Variants in INKA1 observed in about 807,000 individuals in gnomAD.
INKA1 encodes the protein inka box actin regulator 1, also known as PAK4-inhibitor INKA1.
A neutral mutation model predicts 21.3 loss-of-function variants in INKA1; 14 were observed. The observed-to-expected ratio is 0.66, with a 90% CI of 0.43 to 1.03. The LOEUF is 1.03. Among genes scored for constraint, INKA1 ranks in the 50% least tolerant of loss-of-function variants. INKA1 has a pLI of 0.00. For missense variants in INKA1, 353 were observed against 379.0 expected, an observed-to-expected ratio of 0.93 and a Z score of 0.57; for synonymous variants, 133 against 143.3, an observed-to-expected ratio of 0.93 and a Z score of 0.51.
rs761995957 is a variant in INKA1 at position 49,804,597 on chromosome 3, C to T, written c.468C>T (p.Asp156=). ...ATCCACGGCCCAAGTCCACCCCAGACGCCTGCCTGGAGCACTGGCAGGGAC... is the reference window on the plus strand; with the variant it reads ...ATCCACGGCCCAAGTCCACCCCAGATGCCTGCCTGGAGCACTGGCAGGGAC... ...VHHPRPKSTP[D]ACLEHWQGLE... is the part of the protein sequence containing the mutation. The change falls in exon 2 of 2, where the codon GAC becomes GAT. Residue 156 remains aspartate, a synonymous_variant. Transcript: ENST00000333323. The surrounding 1 kb of genome is among the most constrained non-coding windows in gnomAD (Gnocchi z 6.7). 2.5e-5 allele frequency: 40 copies of T among 1,613,280 alleles called. No homozygotes were observed. Among genetic ancestry groups the T allele is most frequent in the Admixed American group, 2.3e-4 (14 of 60,008 alleles).
Position 49,804,550 on chromosome 3 carries a change from G to A in INKA1, c.421G>A (p.Ala141Thr). The A allele has an allele frequency of 6.2e-7, 1 of 1,613,454 alleles. No individual in the cohort carries two copies. Among genetic ancestry groups the A allele is most frequent in the Non-Finnish European group, 8.5e-7 (1 of 1,180,036 alleles). The change falls in exon 2 of 2, where the codon GCC (alanine) becomes ACC (threonine). Residue 141 changes from alanine to threonine, a missense_variant. Transcript: ENST00000333323. This position sits in a 1 kb window ranked among gnomAD's most constrained non-coding sequence, Gnocchi z 6.7. ...GLPMPSRAPV[A>T]SVPPVHHPRP... ...CCCCATGCCCAGCAGGGCCCCTGTA[G>A]CCAGTGTACCACCTGTCCACCATCC...
At position 49,803,539 on chromosome 3, in the gene INKA1, C is replaced by T. The variant is rs1196353751; in HGVS notation, c.51+96C>T. 20 of 1,284,834 alleles carry T rather than the reference C, an allele frequency of 1.6e-5. No homozygotes were observed. Among genetic ancestry groups the T allele is most frequent in the Non-Finnish European group, 1.9e-5 (18 of 935,074 alleles). The allele number at this position is 1,284,834 out of a possible 1,614,324, so 79.6% of individuals were successfully genotyped here. A position where few individuals can be genotyped will look rare whatever the true frequency, so the allele number is the denominator to read the frequency against. ...ACAGACGGGTGCGGGGTGGCTCCAG[C>T]GTGCCGGTCCGAGGCGGGGTGGGGG... On this transcript the variant is annotated intron_variant, in intron 1 of 1. Transcript: ENST00000333323. The surrounding 1 kb of genome is among the most constrained non-coding windows in gnomAD (Gnocchi z 4.8).
At position 49,803,439 on chromosome 3, in the gene INKA1, A is replaced by G; in HGVS notation, c.47A>G (p.Glu16Gly). ...AGCTTCCTTAGCCAGCTCCGCTGGG[A>G]ACTGGTGAGGCTCGGGAGCGGGTGT... ...LDSFLSQLRW[E>G]LLCGRDTGSP... The change falls in exon 1 of 2, where the codon GAA (glutamate) becomes GGA (glycine). Residue 16 changes from glutamate to glycine, a missense_variant. Physicochemically the swap from Glu to Gly is moderately conservative, Grantham distance 98. Coordinates refer to ENST00000333323, the MANE Select transcript of INKA1 (RefSeq NM_203370.2). The surrounding 1 kb of genome is among the most constrained non-coding windows in gnomAD (Gnocchi z 4.8). The G allele has an allele frequency of 6.4e-7, 1 of 1,559,022 alleles. No individual in the cohort carries two copies. The highest frequency in any genetic ancestry group is 1.2e-5 in the South Asian group (1 of 83,956).
At position 49,804,906 on chromosome 3, in the gene INKA1, T is replaced by C; in HGVS notation, c.777T>C (p.Pro259=). The change falls in exon 2 of 2, where the codon CCT becomes CCC. Residue 259 remains proline, a synonymous_variant. Coordinates refer to ENST00000333323, the MANE Select transcript of INKA1 (RefSeq NM_203370.2). The surrounding 1 kb of genome is among the most constrained non-coding windows in gnomAD (Gnocchi z 6.7). ...CACCTCGCCCAGAACCTGAACTGCCTGCGGATGTCTCACGCTTTGCAGCTC... is the reference window on the plus strand; with the variant it reads ...CACCTCGCCCAGAACCTGAACTGCCCGCGGATGTCTCACGCTTTGCAGCTC... ...SCPPRPEPEL[P]ADVSRFAALM... The C allele has an allele frequency of 6.2e-7, 1 of 1,612,992 alleles. No homozygotes were observed. Among genetic ancestry groups the C allele is most frequent in the Non-Finnish European group, 8.5e-7 (1 of 1,180,000 alleles).
In INKA1 at chr3:49,804,516, C is replaced by T. The variant is rs749165145; in HGVS notation, c.387C>T (p.Val129=). ...CCCTTCGTAGGCAGTGCCTCTCAGT[C>T]AGTGGCCTCCCCATGCCCAGCAGGG... is the stretch of plus-strand genomic sequence containing the variant. ...AQPLRRQCLS[V]SGLPMPSRAP... is the part of the protein sequence containing the mutation. Residue 129 remains valine, a synonymous_variant, in exon 2 of 2, where the codon GTC becomes GTT. Transcript: ENST00000333323. This position sits in a 1 kb window ranked among gnomAD's most constrained non-coding sequence, Gnocchi z 6.7. The T allele has an allele frequency of 6.2e-7, 1 of 1,613,394 alleles. No individual in the cohort carries two copies. The highest frequency in any genetic ancestry group is 1.3e-5 in the African/African-American group (1 of 74,934).
At position 49,803,339 on chromosome 3, in the gene INKA1, T is replaced by A. The variant is rs2081394778; in HGVS notation, c.-54T>A. On this transcript the variant is annotated 5_prime_UTR_variant, in exon 1 of 2. Transcript: ENST00000333323. This position sits in a 1 kb window ranked among gnomAD's most constrained non-coding sequence, Gnocchi z 4.8. ...GCCCTCCCAGCCCTCTCCGCGCGGC[T>A]CCGCCGGGGTTCCAAGAGGAGCTAG... 1.4e-6 allele frequency: 2 copies of A among 1,468,268 alleles called. No individual in the cohort carries two copies. The allele number at this position is 1,468,268 out of a possible 1,614,324, so 91.0% of individuals were successfully genotyped here. A position where few individuals can be genotyped will look rare whatever the true frequency, so the allele number is the denominator to read the frequency against.
Position 49,804,191 on chromosome 3 carries a change from G to A in INKA1, c.62G>A (p.Arg21Gln), listed in dbSNP as rs755837284. 7 of 1,577,134 alleles carry A rather than the reference G, an allele frequency of 4.4e-6. No individual in the cohort carries two copies. Among genetic ancestry groups the A allele is most frequent in the African/African-American group, 1.3e-5 (1 of 74,108 alleles). ...CTCTCTTCCCCTCAGTTGTGTGGTC[G>A]GGACACAGGCTCACCCTCAATGCCT... ...SQLRWELLCG[R>Q]DTGSPSMPGP... Residue 21 changes from arginine to glutamine, a missense_variant, in exon 2 of 2, where the codon CGG (arginine) becomes CAG (glutamine). Coordinates refer to ENST00000333323, the MANE Select transcript of INKA1 (RefSeq NM_203370.2). This position sits in a 1 kb window ranked among gnomAD's most constrained non-coding sequence, Gnocchi z 6.7.
Position 49,804,089 on chromosome 3 carries a change from C to G in INKA1, c.52-92C>G. On this transcript the variant is annotated intron_variant, in intron 1 of 1. Transcript: ENST00000333323. The surrounding 1 kb of genome is among the most constrained non-coding windows in gnomAD (Gnocchi z 6.7). Reference sequence around the variant, plus strand: ...ACTAACACCCTGCTGCCCAGGCCAGCAGGCCTATCTAACCTTCCTGGACCC... The same window carrying G: ...ACTAACACCCTGCTGCCCAGGCCAGGAGGCCTATCTAACCTTCCTGGACCC... 9.1e-7 allele frequency: 1 copy of G among 1,100,046 alleles called. No homozygotes were observed. The allele number at this position is 1,100,046 out of a possible 1,614,324, so 68.1% of individuals were successfully genotyped here.
At position 49,804,343 on chromosome 3, in the gene INKA1, G is replaced by A. The variant is rs771447701; in HGVS notation, c.214G>A (p.Ala72Thr). 7 of 1,613,562 alleles carry A rather than the reference G, an allele frequency of 4.3e-6. No individual in the cohort carries two copies. The highest frequency in any genetic ancestry group is 5.9e-6 in the Non-Finnish European group (7 of 1,179,972). ...VEEEEEEEEE[A>T]VVTEDRDAAL... is the part of the protein sequence containing the mutation. ...GGAGGAGGAAGAGGAGGAGGAGGAA[G>A]CAGTGGTGACAGAAGACAGGGATGC... Residue 72 changes from alanine (A) to threonine (T), a missense_variant, in exon 2 of 2, where the codon GCA becomes ACA. Transcript: ENST00000333323. The surrounding 1 kb of genome is among the most constrained non-coding windows in gnomAD (Gnocchi z 6.7).
rs758683189 is a variant in INKA1, at chr3:49,804,156, G to A, written c.52-25G>A. 3.9e-6 allele frequency: 6 copies of A among 1,543,974 alleles called. No individual in the cohort carries two copies. In the African/African-American group the frequency reaches 4.1e-5, roughly 11 times the overall value. ...GCCTGGTGACAAGTGATACCTCTCCGACTTCTGCCCTCTCTTCCCCTCAGT... is the reference window on the plus strand; with the variant it reads ...GCCTGGTGACAAGTGATACCTCTCCAACTTCTGCCCTCTCTTCCCCTCAGT... On this transcript the variant is annotated intron_variant, in intron 1 of 1. Transcript: ENST00000333323. The surrounding 1 kb of genome is among the most constrained non-coding windows in gnomAD (Gnocchi z 6.7).
At position 49,803,568 on chromosome 3, in the gene INKA1, C is replaced by T. The variant is rs2081398969; in HGVS notation, c.51+125C>T. On this transcript the variant is annotated intron_variant, in intron 1 of 1. Coordinates refer to ENST00000333323, the MANE Select transcript of INKA1 (RefSeq NM_203370.2). This position sits in a 1 kb window ranked among gnomAD's most constrained non-coding sequence, Gnocchi z 4.8. ...CCGGTCCGAGGCGGGGTGGGGGCGGCGTGGCGCATATGGCTCAGATGGCCC... is the reference window on the plus strand; with the variant it reads ...CCGGTCCGAGGCGGGGTGGGGGCGGTGTGGCGCATATGGCTCAGATGGCCC... 2 of 966,526 alleles carry T rather than the reference C, an allele frequency of 2.1e-6. No homozygotes were observed. Among genetic ancestry groups the T allele is most frequent in the Middle Eastern group, 2.3e-4 (1 of 4,332 alleles). 59.9% of individuals were successfully genotyped at this position (966,526 alleles called of 1,614,324 possible). A position where few individuals can be genotyped will look rare whatever the true frequency, so the allele number is the denominator to read the frequency against.
rs766261212 is a variant in INKA1 at position 49,804,940 on chromosome 3, TGTC to T, written c.814_816del (p.Arg272del). The T allele has an allele frequency of 6.2e-6, 10 of 1,612,190 alleles. No homozygotes were observed. Among genetic ancestry groups the T allele is most frequent in the Non-Finnish European group, 8.5e-6 (10 of 1,179,482 alleles). ...CTCACGCTTTGCAGCTCTCATGAGC[TGTC>T]GTAGCCGCCAGCCCATCATCTGCAA... On this transcript the variant is annotated inframe_deletion, in exon 2 of 2. Coordinates refer to ENST00000333323, the MANE Select transcript of INKA1 (RefSeq NM_203370.2). The surrounding 1 kb of genome is among the most constrained non-coding windows in gnomAD (Gnocchi z 6.7).
Position 49,803,476 on chromosome 3 carries a change from A to G in INKA1, c.51+33A>G, listed in dbSNP as rs2081397351. 1.9e-6 allele frequency: 3 copies of G among 1,539,982 alleles called. No homozygotes were observed. Among genetic ancestry groups the G allele is most frequent in the Non-Finnish European group, 1.7e-6 (2 of 1,143,106 alleles). On this transcript the variant is annotated intron_variant, in intron 1 of 1. Coordinates refer to ENST00000333323, the MANE Select transcript of INKA1 (RefSeq NM_203370.2). The surrounding 1 kb of genome is among the most constrained non-coding windows in gnomAD (Gnocchi z 4.8). ...TCGGGAGCGGGTGTGGTTAGTGAGG[A>G]CGCGTGCGGGATGCCAGGCTGCCGC...
Position 49,804,809 on chromosome 3 carries a change from T to C in INKA1, c.680T>C (p.Leu227Pro), listed in dbSNP as rs1378813764. The change falls in exon 2 of 2, where the codon CTC becomes CCC. Residue 227 changes from leucine (L) to proline (P), a missense_variant. By Grantham distance (98) the Leu-to-Pro change is moderately conservative. Transcript: ENST00000333323. The surrounding 1 kb of genome is among the most constrained non-coding windows in gnomAD (Gnocchi z 6.7). ...CGGCCCCCTCAGTTCCTGCTTGGCC[T>C]CTCTGAGCAGCTTCGGCGCCGGCTG... ...RARPPQFLLG[L>P]SEQLRRRLAR... is the part of the protein sequence containing the mutation. The C allele has an allele frequency of 1.2e-6, 2 of 1,613,284 alleles. No homozygotes were observed. Among genetic ancestry groups the C allele is most frequent in the South Asian group, 1.1e-5 (1 of 91,088 alleles).
In INKA1 at chr3:49,803,317, C is replaced by T. The variant is rs2081394343; in HGVS notation, c.-76C>T. ...AGGCTGAGGGCGCCGCTGGCCGGCC[C>T]TCCCAGCCCTCTCCGCGCGGCTCCG... On this transcript the variant is annotated 5_prime_UTR_variant, in exon 1 of 2. Coordinates refer to ENST00000333323, the MANE Select transcript of INKA1 (RefSeq NM_203370.2). This position sits in a 1 kb window ranked among gnomAD's most constrained non-coding sequence, Gnocchi z 4.8. 8 of 1,396,888 alleles carry T rather than the reference C, an allele frequency of 5.7e-6. No individual in the cohort carries two copies. The highest frequency in any genetic ancestry group is 1.5e-5 in the South Asian group (1 of 65,852). The allele number at this position is 1,396,888 out of a possible 1,614,324, so 86.5% of individuals were successfully genotyped here. A position where few individuals can be genotyped will look rare whatever the true frequency, so the allele number is the denominator to read the frequency against.
Position 49,803,831 on chromosome 3 carries a change from G to A in INKA1, c.52-350G>A, listed in dbSNP as rs1159044205. On this transcript the variant is annotated intron_variant, in intron 1 of 1. Transcript: ENST00000333323. The surrounding 1 kb of genome is among the most constrained non-coding windows in gnomAD (Gnocchi z 4.8). ...AGCAAGCGCTCTTTCTGTGAAAGACGCTTTGGGCTTTGGGAGCTGAATCCC... is the reference window on the plus strand; with the variant it reads ...AGCAAGCGCTCTTTCTGTGAAAGACACTTTGGGCTTTGGGAGCTGAATCCC... Among the ~76,000 whole-genome samples the A allele has an allele frequency of 1.3e-5, 2 of 152,134 alleles. No individual in the cohort carries two copies. Among genetic ancestry groups the A allele is most frequent in the Admixed American group, 1.3e-4 (2 of 15,282 alleles).
chr3:49,804,735 T>A lies in INKA1; in HGVS notation c.606T>A (p.Pro202=), dbSNP rs768939893. The A allele has an allele frequency of 6.2e-7, 1 of 1,613,282 alleles. No individual in the cohort carries two copies. The highest frequency in any genetic ancestry group is 2.2e-5 in the East Asian group (1 of 44,886). ...TGGTGCACAACTGGATGGAGCTGCC[T>A]GAGACAGGGAGTGAAGGGGGTGACG... ...ADLVHNWMEL[P]ETGSEGGDGG... is the part of the protein sequence containing the mutation. Residue 202 remains proline (P), a synonymous_variant, in exon 2 of 2, where the codon CCT becomes CCA. Transcript: ENST00000333323. This position sits in a 1 kb window ranked among gnomAD's most constrained non-coding sequence, Gnocchi z 6.7.
rs774567373 is a variant in INKA1, at chr3:49,804,327, AGAG to A, written c.210_212del (p.Glu71del). On this transcript the variant is annotated inframe_deletion, in exon 2 of 2. Coordinates refer to ENST00000333323, the MANE Select transcript of INKA1 (RefSeq NM_203370.2). The surrounding 1 kb of genome is among the most constrained non-coding windows in gnomAD (Gnocchi z 6.7). The stretch of plus-strand genomic sequence containing the variant: ...CAGTCTGCTGTGTGGAGGAGGAGGA[AGAG>A]GAGGAGGAGGAAGCAGTGGTGACAG... 6.2e-6 allele frequency: 10 copies of A among 1,613,100 alleles called. No homozygotes were observed. Among genetic ancestry groups the A allele is most frequent in the Non-Finnish European group, 5.1e-6 (6 of 1,179,774 alleles).
rs747234845 is a variant in INKA1, at chr3:49,804,587, C to T, written c.458C>T (p.Ser153Phe). The T allele has an allele frequency of 2.5e-6, 4 of 1,613,456 alleles. No homozygotes were observed. The South Asian group carries it at 4.4e-5, about 18-fold the overall frequency. Reference protein sequence around the residue: ...VPPVHHPRPKSTPDACLEHWQ... With the variant: ...VPPVHHPRPKFTPDACLEHWQ... ...CCTGTCCACCATCCACGGCCCAAGT[C>T]CACCCCAGACGCCTGCCTGGAGCAC... is the stretch of plus-strand genomic sequence containing the variant. The change falls in exon 2 of 2, where the codon TCC (serine) becomes TTC (phenylalanine). Residue 153 changes from serine to phenylalanine, a missense_variant. Physicochemically the swap from Ser to Phe is radical, Grantham distance 155. Transcript: ENST00000333323. This position sits in a 1 kb window ranked among gnomAD's most constrained non-coding sequence, Gnocchi z 6.7.
Sources: gnomAD v4.1 joint callset for allele counts (sites outside exome capture counted in the v4.1 genomes callset) on GRCh38, gnomAD v4.1.1 for gene constraint, Gnocchi (gnomAD v3.1) non-coding constraint, MANE v1.5 for transcripts, NCBI Gene and HGNC (gene_info 2026-07-23, HGNC 2026-07-21) for gene names.